ANO9: variants seen among roughly 807,000 people sequenced by gnomAD.
ANO9 encodes anoctamin 9, also known as anoctamin-9.
ANO9 carries 80 observed loss-of-function variants against 100.5 expected under a neutral mutation model. That is an observed-to-expected ratio of 0.80 (90% CI 0.66 to 0.96). The LOEUF is 0.96. Ranked by LOEUF, ANO9 falls within the 40% of genes least tolerant of loss-of-function variation. The pLI, the probability that ANO9 is intolerant of heterozygous loss-of-function variation, is 0.00. For synonymous variants in ANO9, 473 were observed against 435.6 expected (o/e 1.09, Z -1.07); for missense variants, 1,064 against 1,072.7 (o/e 0.99, Z 0.11).
rs11246160 is a variant in ANO9, at chr11:439,671, C to T, written c.6+2250G>A. Among the ~76,000 whole-genome samples the T allele has an allele frequency of 1.4e-3, 206 of 152,288 alleles. 2 individuals are homozygous for T. In the South Asian group the frequency reaches 0.017, roughly 13 times the overall value. ...CTGGCCCTTGAGAACTTTACAGTTT[C>T]GTCATCCACAGAGGGTCCCCTTCTG... is the stretch of plus-strand genomic sequence containing the variant. On this transcript the variant is annotated intron_variant, in intron 1 of 22. Coordinates refer to ENST00000332826, the MANE Select transcript of ANO9 (RefSeq NM_001012302.3).
At chr11:435,244 G>A (rs1849365997) in intron 1 of ANO9, among the ~76,000 whole-genome samples, 1 of 147,698 alleles carries the variant, frequency 6.8e-6, no homozygotes, top group Non-Finnish European at 1.5e-5. Context: ...GTATAGTATG[G>A]TATAGTCTAG....
intron 15 of ANO9, among the ~76,000 whole-genome samples, chr11:423,974 T>A (rs1479563485): frequency 6.6e-6 from 1 of 151,452 alleles, no homozygotes; most frequent in Admixed American, 6.6e-5. Flanking sequence ...AATGGTGCGA[T>A]TTCAGTTCAC....
Position 428,097 on chromosome 11 carries a change from A to G in ANO9, c.1325T>C (p.Ile442Thr). The change falls in exon 15 of 23, where the codon ATC (isoleucine) becomes ACC (threonine). Residue 442 changes from isoleucine (I) to threonine (T), a missense_variant. Ile to Thr is a moderately conservative substitution (Grantham distance 89). Coordinates refer to ENST00000332826, the MANE Select transcript of ANO9 (RefSeq NM_001012302.3). ...CTGGCGCCGGCCCTACCTGCCCAGGATGAAGGCGATGTAGATGAGAGACGA... is the reference window on the plus strand; with the variant it reads ...CTGGCGCCGGCCCTACCTGCCCAGGGTGAAGGCGATGTAGATGAGAGACGA... ...HFSSLIYIAFILGRINGHPGK... is the reference protein window; with the variant it reads ...HFSSLIYIAFTLGRINGHPGK... 6.2e-7 allele frequency: 1 copy of G among 1,605,828 alleles called. No homozygotes were observed. The highest frequency in any genetic ancestry group is 8.5e-7 in the Non-Finnish European group (1 of 1,178,146).
Position 421,253 on chromosome 11 carries a change from G to A in ANO9, c.1335-55C>T. 2 of 1,459,284 alleles carry A rather than the reference G, an allele frequency of 1.4e-6. No homozygotes were observed. Among genetic ancestry groups the A allele is most frequent in the Non-Finnish European group, 1.8e-6 (2 of 1,100,762 alleles). 90.4% of individuals were successfully genotyped at this position (1,459,284 alleles called of 1,614,324 possible). On this transcript the variant is annotated intron_variant, in intron 15 of 22. Transcript: ENST00000332826. This position sits in a 1 kb window ranked among gnomAD's most constrained non-coding sequence, Gnocchi z 6.8. ...GCGGGCAGCGCCCTGCCTCTGACAG[G>A]GTGGGTGCAGCAGGACAGAAGCGGG... is the stretch of plus-strand genomic sequence containing the variant.
At chr11:440,052 C>T (rs1845736985) in intron 1 of ANO9, among the ~76,000 whole-genome samples, 1 of 152,172 alleles carries the variant, frequency 6.6e-6, no homozygotes, top group South Asian at 2.1e-4. Context: ...GGCAGCATTC[C>T]CGGGAGAAAG....
intron 1 of ANO9, among the ~76,000 whole-genome samples, chr11:438,443 A>G (rs1472405431): frequency 1.6e-5 from 2 of 126,540 alleles, no homozygotes; most frequent in Non-Finnish European, 3.2e-5. Context: ...ACAGCCAGAC[A>G]GGTGTAGCCA....
intron 1 of ANO9, among the ~76,000 whole-genome samples, chr11:441,700 C>T (rs1191458114): frequency 2.0e-5 from 3 of 152,246 alleles, no homozygotes; most frequent in African/African-American, 7.2e-5. Context: ...GAACGCCGCC[C>T]GCCTCCAGCA....
intron 15 of ANO9, among the ~76,000 whole-genome samples, chr11:423,996 C>T (rs1458456017): frequency 6.6e-6 from 1 of 151,816 alleles, no homozygotes; most frequent in Admixed American, 6.6e-5. Flanking sequence ...GCAACCTCTG[C>T]CTCCTGGGTT....
At chr11:423,611 G>A (rs1022290969) in intron 15 of ANO9, among the ~76,000 whole-genome samples, 4 of 152,064 alleles carry the variant, frequency 2.6e-5, no homozygotes, top group Middle Eastern at 3.4e-3. Context: ...AGGCTCCAGC[G>A]ATCCTCCTAC....
rs375056563 is a variant in ANO9 at position 428,703 on chromosome 11, C to T, written c.1020+19G>A. 97 of 1,612,786 alleles carry T rather than the reference C, an allele frequency of 6.0e-5. No homozygotes were observed. The highest frequency in any genetic ancestry group is 3.2e-4 in the African/African-American group (24 of 75,052). On this transcript the variant is annotated intron_variant, in intron 12 of 22. Coordinates refer to ENST00000332826, the MANE Select transcript of ANO9 (RefSeq NM_001012302.3). ...ATGCAGCCCGGGTCTCCAGCCCCAC[C>T]GCGGTGTCCCCTGCGTACCATGAGC...
chr11:424,211 A>T (rs548172722), intron 15 of ANO9, among the ~76,000 whole-genome samples: 2 of 152,306 alleles, frequency 1.3e-5, no homozygotes, highest in Middle Eastern at 3.4e-3. Flanking sequence ...GAACATATTT[A>T]TTAATCTTGA....
At position 425,710 on chromosome 11, in the gene ANO9, G is replaced by GT. The variant is rs1299503867; in HGVS notation, c.1334+2377dup. 3.0e-3 allele frequency among the ~76,000 whole-genome samples: 444 copies of GT among 150,208 alleles called. 2 individuals carry two copies. Among genetic ancestry groups the GT allele is most frequent in the South Asian group, 5.5e-3 (26 of 4,734 alleles). On this transcript the variant is annotated intron_variant, in intron 15 of 22. Coordinates refer to ENST00000332826, the MANE Select transcript of ANO9 (RefSeq NM_001012302.3). ...TGCTAGACTTCACCAATAGTTTTTT[G>GT]TTTTTTGTTTTTTGTTTGTTTGTTT...
chr11:419,918 C>T, intron 19 of ANO9, 189 bp from the exon 20 acceptor site: 1 of 1,407,528 alleles, frequency 7.1e-7, no homozygotes, highest in Non-Finnish European at 9.2e-7. Flanking sequence ...CTCCTGCACC[C>T]CTCACCCTGA....
chr11:433,479 T>C lies in ANO9; in HGVS notation c.205-20A>G. The C allele has an allele frequency of 6.2e-7, 1 of 1,612,604 alleles. No individual in the cohort carries two copies. Among genetic ancestry groups the C allele is most frequent in the Admixed American group, 1.7e-5 (1 of 59,948 alleles). On this transcript the variant is annotated intron_variant, in intron 3 of 22. Coordinates refer to ENST00000332826, the MANE Select transcript of ANO9 (RefSeq NM_001012302.3). ...GATCACCTGGGGGCACATGGGATCC[T>C]CTATCCCACCTCAGAACCCTCCCCG...
At chr11:430,448 G>A in intron 7 of ANO9, 45 bp from the exon 8 acceptor site, 2 of 1,304,944 alleles carry the variant, frequency 1.5e-6, no homozygotes, top group Non-Finnish European at 2.1e-6. Context: ...GGGCGGTGGG[G>A]GAGGGACAGG....
At chr11:426,171 C>G (rs1170024678) in intron 15 of ANO9, among the ~76,000 whole-genome samples, 2 of 152,192 alleles carry the variant, frequency 1.3e-5, no homozygotes, top group Non-Finnish European at 2.9e-5. Flanking sequence ...TTAGCAGGAT[C>G]TATGTTAATG....
chr11:433,760 C>A, intron 3 of ANO9, 55 bp downstream of exon 3: 2 of 1,523,636 alleles, frequency 1.3e-6, no homozygotes, highest in Non-Finnish European at 1.8e-6. Flanking sequence ...CCCTGCCCCT[C>A]GCTGGACACC....
At position 422,114 on chromosome 11, in the gene ANO9, A is replaced by G. The variant is rs1481579661; in HGVS notation, c.1335-916T>C. Among the ~76,000 whole-genome samples, 1 of 152,216 alleles carries G rather than the reference A, an allele frequency of 6.6e-6. No individual in the cohort carries two copies. The highest frequency in any genetic ancestry group is 1.5e-5 in the Non-Finnish European group (1 of 68,048). ...CCGTGTGCGGCAAAGCTGCGGGGAA[A>G]CATGGCATGAGAAAGTATCGGTCAC... is the stretch of plus-strand genomic sequence containing the variant. On this transcript the variant is annotated intron_variant, in intron 15 of 22. Transcript: ENST00000332826. This position sits in a 1 kb window ranked among gnomAD's most constrained non-coding sequence, Gnocchi z 4.3.
At chr11:433,589 C>G in intron 3 of ANO9, 130 bp from the exon 4 acceptor site, 1 of 1,451,558 alleles carries the variant, frequency 6.9e-7, no homozygotes, top group Non-Finnish European at 9.2e-7. Context: ...CTCCCTTCAT[C>G]TGCCGCTGTG....
Sources: allele counts gnomAD v4.1 joint callset (sites outside exome capture counted in the v4.1 genomes callset), GRCh38; gene constraint gnomAD v4.1.1; non-coding constraint Gnocchi (gnomAD v3.1); transcripts MANE v1.5; gene names NCBI Gene and HGNC (gene_info 2026-07-23, HGNC 2026-07-21).